The following PCED1B variants were observed in gnomAD, a reference collection of about 807,000 sequenced individuals.
PCED1B encodes PC-esterase domain-containing protein 1B.
For missense variants in PCED1B, 573 were observed against 573.9 expected, an observed-to-expected ratio of 1.00 and a Z score of 0.02; for synonymous variants, 251 against 246.1, an observed-to-expected ratio of 1.02 and a Z score of -0.19.
At chr12:47,116,302 G>C (rs1189111989) in intron 2 of PCED1B, among the ~76,000 whole-genome samples, 1 of 152,080 alleles carries the variant, frequency 6.6e-6, no homozygotes. Context: ...CTTTTGGAAA[G>C]GTACATAGTC....
rs147027497 is a variant in PCED1B at position 47,235,613 on chromosome 12, C to G, written c.550C>G (p.Gln184Glu). ...TTTTCTTCCGCCCAAGCTCCGGCGG[C>G]AGAAGGCCACCTTCCTGAAAAACGA... ...GGFLPPKLRRQKATFLKNEVV... is the reference protein window; with the variant it reads ...GGFLPPKLRREKATFLKNEVV... The change falls in exon 4 of 4, where the codon CAG becomes GAG. Residue 184 changes from glutamine to glutamate, a missense_variant. Transcript: ENST00000546455. 9.9e-5 allele frequency: 160 copies of G among 1,609,582 alleles called. 1 individual carries two copies. The highest frequency in any genetic ancestry group is 1.3e-4 in the Non-Finnish European group (155 of 1,177,654).
chr12:47,172,487 C>T (rs1941784997), intron 2 of PCED1B, among the ~76,000 whole-genome samples: 1 of 151,828 alleles, frequency 6.6e-6, no homozygotes, highest in African/African-American at 2.4e-5. Context: ...AAAAGAAATT[C>T]TGATCAAGGA....
chr12:47,154,620 G>A (rs1217884878), intron 2 of PCED1B, among the ~76,000 whole-genome samples: 1 of 152,104 alleles, frequency 6.6e-6, no homozygotes, highest in Non-Finnish European at 1.5e-5. Context: ...ACCTAAAAGA[G>A]TAAATGTATG....
At chr12:47,110,835 C>T (rs1939161687) in intron 2 of PCED1B, among the ~76,000 whole-genome samples, 3 of 152,158 alleles carry the variant, frequency 2.0e-5, no homozygotes, top group Admixed American at 2.0e-4. Context: ...ATGACAAACA[C>T]ACACAAAGCT....
chr12:47,225,955 G>A (rs140369059), intron 3 of PCED1B, among the ~76,000 whole-genome samples: 124 of 152,160 alleles, frequency 8.1e-4, no homozygotes, highest in African/African-American at 2.2e-3. Flanking sequence ...TATGTGTTTG[G>A]GTTGTGATCA....
rs1942207777 is a variant in PCED1B at position 47,184,917 on chromosome 12, C to G, written c.-525-31305C>G. ...AGAAACCTGGCAGAGGTTAAGTAACCTGGAGTTATTTTTCTTACCTAGCAA... is the reference window on the plus strand; with the variant it reads ...AGAAACCTGGCAGAGGTTAAGTAACGTGGAGTTATTTTTCTTACCTAGCAA... On this transcript the variant is annotated intron_variant, in intron 2 of 3. Coordinates refer to ENST00000546455, the MANE Select transcript of PCED1B (RefSeq NM_138371.3). Among the ~76,000 whole-genome samples the G allele has an allele frequency of 2.0e-5, 3 of 152,078 alleles. No homozygotes were observed. In the South Asian group the frequency reaches 6.2e-4, roughly 32 times the overall value.
chr12:47,177,954 A>G (rs1941976976), intron 2 of PCED1B, among the ~76,000 whole-genome samples: 1 of 152,154 alleles, frequency 6.6e-6, no homozygotes, highest in African/African-American at 2.4e-5. Flanking sequence ...CTCAAAAAAA[A>G]AGTTTGAGAT....
rs376767041 is a variant in PCED1B, at chr12:47,120,026, G to T, written c.-526+15831G>T. Among the ~76,000 whole-genome samples the T allele has an allele frequency of 1.5e-4, 23 of 151,888 alleles. No homozygotes were observed. In the East Asian group the frequency reaches 2.7e-3, roughly 18 times the overall value. On this transcript the variant is annotated intron_variant, in intron 2 of 3. Transcript: ENST00000546455. ...TTGCCCAATTAAAAAATAGAAAAAT[G>T]ATATTCATAGATATTTCTCCAAGGA... is the stretch of plus-strand genomic sequence containing the variant.
chr12:47,234,610 G>A (rs73295573), intron 3 of PCED1B, among the ~76,000 whole-genome samples: 3,611 of 152,160 alleles, frequency 0.024, 137 homozygotes, highest in African/African-American at 0.081. Context: ...ATCTAACAGT[G>A]GCATAGCGCT....
At chr12:47,216,157 C>A (rs1943254930) in intron 2 of PCED1B, 65 bp from the exon 3 acceptor site, 1 of 152,240 alleles carries the variant, frequency 6.6e-6, no homozygotes, top group Non-Finnish European at 1.5e-5. Context: ...AAGTAGAGTT[C>A]TTCTTACCAT....
At chr12:47,083,558 C>T (rs954424344) in intron 1 of PCED1B, among the ~76,000 whole-genome samples, 1 of 152,224 alleles carries the variant, frequency 6.6e-6, no homozygotes, top group African/African-American at 2.4e-5. Context: ...CTGTTCTTCT[C>T]TTGGCCTGCT....
chr12:47,212,019 G>A lies in PCED1B; in HGVS notation c.-525-4203G>A, dbSNP rs573676339. Among the ~76,000 whole-genome samples, 49 of 149,574 alleles carry A rather than the reference G, an allele frequency of 3.3e-4. No homozygotes were observed. In the South Asian group the frequency reaches 1.0e-2, roughly 30 times the overall value. ...GAACCCGGGAGGCGGAGCTTGCAGT[G>A]AGCCGAGATCGTGCCACTGTACTCC... On this transcript the variant is annotated intron_variant, in intron 2 of 3. Coordinates refer to ENST00000546455, the MANE Select transcript of PCED1B (RefSeq NM_138371.3).
chr12:47,136,136 A>T (rs1345101582), intron 2 of PCED1B, among the ~76,000 whole-genome samples: 1 of 99,864 alleles, frequency 1.0e-5, no homozygotes, highest in African/African-American at 3.9e-5. Flanking sequence ...TTTGGTATTC[A>T]TTTCCTTTAT....
intron 2 of PCED1B, among the ~76,000 whole-genome samples, chr12:47,173,593 T>C (rs888826622): frequency 6.6e-6 from 1 of 152,134 alleles, no homozygotes; most frequent in African/African-American, 2.4e-5. Flanking sequence ...TACTTTTTTT[T>C]TTTTCTTAAA....
intron 2 of PCED1B, among the ~76,000 whole-genome samples, chr12:47,188,844 A>G (rs1942357806): frequency 6.6e-6 from 1 of 152,180 alleles, no homozygotes; most frequent in Non-Finnish European, 1.5e-5. Context: ...GTTGCTGGTA[A>G]CCTGGACTTT....
chr12:47,214,369 T>C (rs988192924), intron 2 of PCED1B, among the ~76,000 whole-genome samples: 2 of 152,236 alleles, frequency 1.3e-5, no homozygotes, highest in African/African-American at 4.8e-5. Flanking sequence ...CTTCAGAGCA[T>C]GTAATTCAGG....
intron 2 of PCED1B, among the ~76,000 whole-genome samples, chr12:47,175,690 C>T (rs1204807808): frequency 6.6e-6 from 1 of 151,876 alleles, no homozygotes; most frequent in Admixed American, 6.6e-5. Context: ...TCTCCTGCCT[C>T]AGCCTCCCAA....
chr12:47,158,267 G>A (rs1941258495), intron 2 of PCED1B, among the ~76,000 whole-genome samples: 2 of 152,164 alleles, frequency 1.3e-5, no homozygotes, highest in African/African-American at 4.8e-5. Flanking sequence ...CAATGCACAA[G>A]GGTTCCAATT....
At chr12:47,086,253 G>A (rs1044285950) in intron 1 of PCED1B, among the ~76,000 whole-genome samples, 1 of 151,182 alleles carries the variant, frequency 6.6e-6, no homozygotes, top group Non-Finnish European at 1.5e-5. Flanking sequence ...AAGGTGGCAT[G>A]GTCCCCTGCC....
Sources: gnomAD v4.1 joint callset for allele counts (sites outside exome capture counted in the v4.1 genomes callset) on GRCh38, gnomAD v4.1.1 for gene constraint, MANE v1.5 for transcripts, NCBI Gene and HGNC (gene_info 2026-07-23, HGNC 2026-07-21) for gene names.